The following ERICH6B variants were observed in gnomAD, a reference collection of about 807,000 sequenced individuals.
ERICH6B encodes the protein glutamate rich 6B, also known as glutamate-rich protein 6B.
ERICH6B carries 69 observed loss-of-function variants against 80.0 expected under a neutral mutation model. The observed-to-expected ratio is 0.86, with a 90% CI of 0.71 to 1.05. The LOEUF (loss-of-function observed/expected upper bound fraction) is 1.05, where lower values mean the gene tolerates loss of function less well. Ranked by LOEUF, ERICH6B falls within the 50% of genes least tolerant of loss-of-function variation. The pLI, the probability that ERICH6B is intolerant of heterozygous loss-of-function variation, is 0.00. For synonymous variants in ERICH6B, 283 were observed against 291.9 expected, an observed-to-expected ratio of 0.97 and a Z score of 0.31; for missense variants, 754 against 796.1, an observed-to-expected ratio of 0.95 and a Z score of 0.64.
chr13:45,566,514 C>G lies in ERICH6B; in HGVS notation c.1187+1801G>C, dbSNP rs191853602. 8.5e-5 allele frequency among the ~76,000 whole-genome samples: 13 copies of G among 152,342 alleles called. No homozygotes were observed. In the East Asian group the frequency reaches 2.1e-3, roughly 25 times the overall value. On this transcript the variant is annotated intron_variant, in intron 9 of 14. Coordinates refer to ENST00000298738, the MANE Select transcript of ERICH6B (RefSeq NM_182542.3). ...CTAGGGGACTTGGTGCCTTGCATAC[C>G]AGCTGCTCCAGCCATAGCTGAAAGG...
intron 11 of ERICH6B, among the ~76,000 whole-genome samples, chr13:45,555,175 C>T (rs1000199089): frequency 6.6e-6 from 1 of 152,140 alleles, no homozygotes; most frequent in Non-Finnish European, 1.5e-5. Context: ...GTTATATAGC[C>T]TAATCGGAGC....
intron 11 of ERICH6B, 67 bp downstream of exon 11, chr13:45,561,302 C>T (rs1874662886): frequency 2.7e-6 from 4 of 1,476,588 alleles, no homozygotes; most frequent in East Asian, 2.5e-5. Flanking sequence ...GTGGTGTATG[C>T]ACACCTCACC....
intron 5 of ERICH6B, among the ~76,000 whole-genome samples, chr13:45,584,829 A>G (rs185599822): frequency 4.3e-4 from 65 of 152,258 alleles, no homozygotes; most frequent in Non-Finnish European, 3.2e-4. Flanking sequence ...CCTGGGCTGA[A>G]AGCTCTGCTT....
At chr13:45,548,806 C>G (rs546950633) in intron 13 of ERICH6B, among the ~76,000 whole-genome samples, 1 of 152,162 alleles carries the variant, frequency 6.6e-6, no homozygotes, top group Non-Finnish European at 1.5e-5. Context: ...TTTCTATACA[C>G]AAGGCATTCA....
intron 13 of ERICH6B, among the ~76,000 whole-genome samples, chr13:45,547,603 G>T (rs567713384): frequency 6.6e-6 from 1 of 152,190 alleles, no homozygotes; most frequent in African/African-American, 2.4e-5. Flanking sequence ...GAAGAAGCAC[G>T]TTGAGCCACC....
At chr13:45,572,378 T>G (rs1875210664) in intron 8 of ERICH6B, among the ~76,000 whole-genome samples, 1 of 152,268 alleles carries the variant, frequency 6.6e-6, no homozygotes, top group African/African-American at 2.4e-5. Flanking sequence ...GCCACCAGAG[T>G]GACCTTTAAA....
intron 1 of ERICH6B, among the ~76,000 whole-genome samples, chr13:45,612,922 A>G (rs1396586669): frequency 6.6e-6 from 1 of 152,170 alleles, no homozygotes; most frequent in Non-Finnish European, 1.5e-5. Flanking sequence ...GATTTCTTCC[A>G]AGCATAATTT....
intron 1 of ERICH6B, among the ~76,000 whole-genome samples, chr13:45,608,876 G>A (rs1162728689): frequency 6.6e-6 from 1 of 152,194 alleles, no homozygotes; most frequent in Non-Finnish European, 1.5e-5. Context: ...GCCCTGAACG[G>A]AGAAAGTTTG....
intron 8 of ERICH6B, among the ~76,000 whole-genome samples, chr13:45,571,233 G>A (rs1159240440): frequency 6.6e-6 from 1 of 152,180 alleles, no homozygotes; most frequent in Non-Finnish European, 1.5e-5. Flanking sequence ...CCCTGGAGTA[G>A]CACTGCTGTG....
intron 2 of ERICH6B, among the ~76,000 whole-genome samples, chr13:45,605,502 A>G (rs1949852938): frequency 6.6e-6 from 1 of 152,214 alleles, no homozygotes; most frequent in African/African-American, 2.4e-5. Context: ...TCCATCTTAT[A>G]GATGACAGCA....
intron 14 of ERICH6B, 59 bp downstream of exon 14, chr13:45,544,701 T>C: frequency 6.9e-7 from 1 of 1,441,050 alleles, no homozygotes; most frequent in Non-Finnish European, 9.5e-7. Context: ...AAGCCAGCAG[T>C]GGCCTTTGTA....
chr13:45,606,497 GTGTATGTGTATATATATA>G (rs1566307574), intron 2 of ERICH6B, among the ~76,000 whole-genome samples: 4 of 25,784 alleles, frequency 1.6e-4, no homozygotes, highest in African/African-American at 4.1e-4. Flanking sequence ...GATCCCAAAA[GTGTATGTGTATATATATA>G]TATATATATA....
At chr13:45,570,924 A>G (rs112221265) in intron 8 of ERICH6B, among the ~76,000 whole-genome samples, 7,223 of 134,886 alleles carry the variant, frequency 0.054, 148 homozygotes, top group African/African-American at 0.13. Context: ...TGTGGCATTC[A>G]CTCCACTGCA....
intron 11 of ERICH6B, chr13:45,552,869 C>T: frequency 5.5e-6 from 1 of 180,590 alleles, no homozygotes; most frequent in Non-Finnish European, 1.3e-5. Flanking sequence ...ATTAAAAGTT[C>T]ATCCATCAGG....
chr13:45,577,246 T>G (rs908079912), intron 7 of ERICH6B, among the ~76,000 whole-genome samples: 1 of 150,712 alleles, frequency 6.6e-6, no homozygotes, highest in African/African-American at 2.4e-5. Context: ...AGGTGGAGCA[T>G]GTCTTCTCCT....
intron 8 of ERICH6B, 34 bp downstream of exon 8, chr13:45,574,808 T>TG (rs140782618): frequency 0.013 from 17,309 of 1,322,978 alleles, 157 homozygotes; most frequent in African/African-American, 0.12. Flanking sequence ...TGGAGGAAGC[T>TG]GGGGGGGGGG....
chr13:45,574,894 C>T lies in ERICH6B; in HGVS notation c.998G>A (p.Gly333Asp). ...CTTGTCAATGGACTCATCTGTTATA[C>T]CATCCCAAAAGTTCTCTTTAGAAGC... Reference protein sequence around the residue: ...EFASKENFWDGITDESIDKLE... With the variant: ...EFASKENFWDDITDESIDKLE... Residue 333 changes from glycine (G) to aspartate (D), a missense_variant, in exon 8 of 15, where the codon GGT becomes GAT. Transcript: ENST00000298738. 4.5e-6 allele frequency: 7 copies of T among 1,551,420 alleles called. No individual in the cohort carries two copies. Among genetic ancestry groups the T allele is most frequent in the Non-Finnish European group, 5.2e-6 (6 of 1,146,928 alleles).
At chr13:45,611,829 C>T (rs1371760707) in intron 1 of ERICH6B, among the ~76,000 whole-genome samples, 2 of 152,142 alleles carry the variant, frequency 1.3e-5, no homozygotes, top group Non-Finnish European at 2.9e-5. Flanking sequence ...AAATCACAGC[C>T]ACCATTTCCA....
At chr13:45,575,014 A>G in intron 7 of ERICH6B, 84 bp from the exon 8 acceptor site, 1 of 882,846 alleles carries the variant, frequency 1.1e-6, no homozygotes, top group South Asian at 1.5e-5. Context: ...GAATAGAAAT[A>G]GATTGATGGT....
Sources: allele counts gnomAD v4.1 joint callset (sites outside exome capture counted in the v4.1 genomes callset), GRCh38; gene constraint gnomAD v4.1.1; transcripts MANE v1.5; gene names NCBI Gene and HGNC (gene_info 2026-07-23, HGNC 2026-07-21).